Variants in RAMP3 observed in about 807,000 individuals in gnomAD.
RAMP3 encodes receptor activity-modifying protein 3.
RAMP3 carries 14 observed loss-of-function variants against 13.5 expected under a neutral mutation model. The ratio of observed to expected loss-of-function variants is 1.04; its 90% CI spans 0.69 to 1.63. The LOEUF is 1.63. RAMP3 is among the 40% of genes most tolerant of loss of function. The pLI is 0.00. For missense variants in RAMP3, 200 were observed against 204.8 expected (o/e 0.98, Z 0.14); for synonymous variants, 106 against 88.3 (o/e 1.20, Z -1.12).
intron 1 of RAMP3, among the ~76,000 whole-genome samples, chr7:45,171,161 T>C (rs1584071048): frequency 7.0e-6 from 1 of 143,790 alleles, no homozygotes; most frequent in East Asian, 2.0e-4. Context: ...TCCTTCTTTC[T>C]TTTTTTTTTT....
At chr7:45,173,868 G>A (rs1170624421) in intron 1 of RAMP3, among the ~76,000 whole-genome samples, 1 of 152,192 alleles carries the variant, frequency 6.6e-6, no homozygotes, top group Non-Finnish European at 1.5e-5. Flanking sequence ...CACATTCATG[G>A]CGCAAATGCT....
At chr7:45,163,760 A>C in intron 1 of RAMP3, 1 of 985,238 alleles carries the variant, frequency 1.0e-6, no homozygotes, top group Non-Finnish European at 1.2e-6. Flanking sequence ...CAAATCAGGA[A>C]CTAAACAGGA....
chr7:45,158,018 G>A (rs887139750), intron 1 of RAMP3, 132 bp downstream of exon 1: 2 of 896,854 alleles, frequency 2.2e-6, no homozygotes, highest in Non-Finnish European at 3.0e-6. Flanking sequence ...GGCGCACAGT[G>A]ACCCTGGCGG....
intron 1 of RAMP3, among the ~76,000 whole-genome samples, chr7:45,175,639 G>A (rs778676374): frequency 5.9e-5 from 9 of 152,108 alleles, no homozygotes; most frequent in Non-Finnish European, 1.0e-4. Flanking sequence ...GCCCTTTTGT[G>A]TTCTCCTCTG....
chr7:45,168,406 CAAAAAAAAAAA>C (rs71030854), intron 1 of RAMP3, among the ~76,000 whole-genome samples: 3 of 70,384 alleles, frequency 4.3e-5, no homozygotes, highest in Non-Finnish European at 7.4e-5. Flanking sequence ...ACTCTGTTTC[CAAAAAAAAAAA>C]AAAAAAAAAA....
chr7:45,177,527 C>G, intron 2 of RAMP3, 86 bp downstream of exon 2: 2 of 1,579,404 alleles, frequency 1.3e-6, no homozygotes, highest in African/African-American at 1.3e-5. Context: ...CCTGACCGCA[C>G]TCTACCCAAG....
At chr7:45,173,061 C>A (rs905125147) in intron 1 of RAMP3, among the ~76,000 whole-genome samples, 3 of 152,208 alleles carry the variant, frequency 2.0e-5, no homozygotes, top group Non-Finnish European at 2.9e-5. Context: ...GACTTCTCAT[C>A]TTGGCCTTTA....
In RAMP3 at chr7:45,183,152, T is replaced by C; in HGVS notation, c.192-5T>C. 6.2e-7 allele frequency: 1 copy of C among 1,609,242 alleles called. No homozygotes were observed. On this transcript the variant is annotated splice_region_variant and splice_polypyrimidine_tract_variant and intron_variant, in intron 2 of 2. Coordinates refer to ENST00000242249, the MANE Select transcript of RAMP3 (RefSeq NM_005856.3). ...GCCTGGCTTTCACCCCCTCTGCTTT[T>C]GCAGGTACTATGAGAGTTTCACCAA...
chr7:45,183,056 G>A (rs1197181729), intron 2 of RAMP3, 101 bp from the exon 3 acceptor site: 2 of 1,513,244 alleles, frequency 1.3e-6, no homozygotes, highest in African/African-American at 1.4e-5. Flanking sequence ...GGCCAAATGG[G>A]ACTGTACCCA....
At chr7:45,163,056 C>T (rs1785894315) in intron 1 of RAMP3, 1 of 620,134 alleles carries the variant, frequency 1.6e-6, no homozygotes, top group African/African-American at 2.0e-5. Context: ...CATTGCTTTC[C>T]ATCTCTCAGT....
At chr7:45,169,813 A>G (rs886343002) in intron 1 of RAMP3, among the ~76,000 whole-genome samples, 7 of 152,222 alleles carry the variant, frequency 4.6e-5, no homozygotes, top group African/African-American at 1.7e-4. Flanking sequence ...CAAATGACCT[A>G]GTTTTAACTT....
At chr7:45,179,201 G>T (rs1485794781) in intron 2 of RAMP3, among the ~76,000 whole-genome samples, 1 of 152,162 alleles carries the variant, frequency 6.6e-6, no homozygotes, top group East Asian at 1.9e-4. Context: ...GTCCAGGAGG[G>T]TGGTCTAGGG....
At chr7:45,168,226 C>A (rs1448860630) in intron 1 of RAMP3, among the ~76,000 whole-genome samples, 1 of 151,800 alleles carries the variant, frequency 6.6e-6, no homozygotes, top group Admixed American at 6.6e-5. Flanking sequence ...CGTGGTGAAA[C>A]CCCGTCTCTA....
At chr7:45,160,330 C>CAAAAAAAAAAAAAAAAAAAA (rs34833718) in intron 1 of RAMP3, among the ~76,000 whole-genome samples, 2 of 17,870 alleles carry the variant, frequency 1.1e-4, no homozygotes, top group Non-Finnish European at 2.1e-4. Flanking sequence ...GACTCTGCCT[C>CAAAAAAAAAAAAAAAAAAAA]AAAAAAAAAA....
At chr7:45,179,171 G>A (rs1222571895) in intron 2 of RAMP3, among the ~76,000 whole-genome samples, 6 of 152,166 alleles carry the variant, frequency 3.9e-5, no homozygotes, top group African/African-American at 7.2e-5. Flanking sequence ...CGGCTGATAC[G>A]CATTATCTTT....
At chr7:45,171,843 C>T (rs1421827800) in intron 1 of RAMP3, among the ~76,000 whole-genome samples, 1 of 152,250 alleles carries the variant, frequency 6.6e-6, no homozygotes. Flanking sequence ...CCTTCTGCAA[C>T]AGCTATGGAA....
intron 2 of RAMP3, among the ~76,000 whole-genome samples, chr7:45,181,491 T>A (rs28728347): frequency 0.023 from 3,503 of 152,214 alleles, 66 homozygotes; most frequent in Non-Finnish European, 0.038. Flanking sequence ...TGGGGATGGT[T>A]GTTGGGGGGT....
At chr7:45,159,815 C>T (rs1785830044) in intron 1 of RAMP3, among the ~76,000 whole-genome samples, 1 of 152,190 alleles carries the variant, frequency 6.6e-6, no homozygotes, top group Non-Finnish European at 1.5e-5. Flanking sequence ...TGGGAAGGCA[C>T]CCACCAGTGA....
intron 1 of RAMP3, among the ~76,000 whole-genome samples, chr7:45,175,849 G>A (rs907797800): frequency 3.3e-5 from 5 of 152,204 alleles, no homozygotes; most frequent in Admixed American, 6.5e-5. Context: ...CCTAATGTTA[G>A]CATTAAGCAG....
Sources: gnomAD v4.1 joint callset for allele counts (sites outside exome capture counted in the v4.1 genomes callset) on GRCh38, gnomAD v4.1.1 for gene constraint, MANE v1.5 for transcripts, NCBI Gene and HGNC (gene_info 2026-07-23, HGNC 2026-07-21) for gene names.